POU6F2: variants seen among roughly 807,000 people sequenced by gnomAD.
POU6F2 encodes POU domain, class 6, transcription factor 2.
A neutral mutation model predicts 71.3 loss-of-function variants in POU6F2; 31 were observed. The ratio of observed to expected loss-of-function variants is 0.43; its 90% CI spans 0.33 to 0.59. POU6F2 has a LOEUF of 0.59. Among genes scored for constraint, POU6F2 ranks in the 20% least tolerant of loss-of-function variants. The pLI is 0.04. For missense variants in POU6F2, 783 were observed against 856.8 expected (o/e 0.91, Z 1.07); for synonymous variants, 347 against 355.7 (o/e 0.98, Z 0.27).
At chr7:39,172,096 A>G (rs923886415) in intron 2 of POU6F2, among the ~76,000 whole-genome samples, 1 of 152,204 alleles carries the variant, frequency 6.6e-6, no homozygotes, top group Non-Finnish European at 1.5e-5. Flanking sequence ...TTTTAAAATC[A>G]TCTCAAACCT....
At chr7:39,237,530 TG>T (rs1310216004) in intron 4 of POU6F2, among the ~76,000 whole-genome samples, 1 of 152,186 alleles carries the variant, frequency 6.6e-6, no homozygotes, top group Admixed American at 6.5e-5. Context: ...CCTTTCTTTA[TG>T]GTCCAGGAAG....
intron 2 of POU6F2, among the ~76,000 whole-genome samples, chr7:39,181,422 G>A (rs112189522): frequency 4.6e-5 from 7 of 152,248 alleles, no homozygotes; most frequent in African/African-American, 1.7e-4. Context: ...GAGACCATAT[G>A]TGGAGCCTAG....
intron 5 of POU6F2, among the ~76,000 whole-genome samples, chr7:39,353,742 A>G (rs531558336): frequency 3.3e-5 from 5 of 151,870 alleles, no homozygotes; most frequent in Admixed American, 6.6e-5. Context: ...GCCCTCCCCA[A>G]AGGTGATGGA....
rs1388495487 is a variant in POU6F2 at position 39,187,586 on chromosome 7, G to A, written c.278-16649G>A. 2.0e-5 allele frequency among the ~76,000 whole-genome samples: 3 copies of A among 152,222 alleles called. No homozygotes were observed. In the East Asian group the frequency reaches 5.8e-4, roughly 29 times the overall value. On this transcript the variant is annotated intron_variant, in intron 2 of 9. Transcript: ENST00000518318. ...CGGGGGACAGCTACCAGCAACAGTA[G>A]CATGCAGCATTTTGGATTTGAGAGC...
chr7:39,167,943 C>T (rs1298943814), intron 2 of POU6F2, among the ~76,000 whole-genome samples: 1 of 151,942 alleles, frequency 6.6e-6, no homozygotes, highest in Admixed American at 6.5e-5. Context: ...TTTTCTAATT[C>T]AGGCCTGTAA....
In POU6F2 at chr7:39,460,747, T is replaced by C. The variant is rs912506845; in HGVS notation, c.1658+32T>C. On this transcript the variant is annotated intron_variant, in intron 9 of 9. Coordinates refer to ENST00000518318, the MANE Select transcript of POU6F2 (RefSeq NM_001370959.1). This position sits in a 1 kb window ranked among gnomAD's most constrained non-coding sequence, Gnocchi z 4.4. ...CGCGCCTGCATGCTGTCACCTCTTC[T>C]AGCCGCCCTGGGCCTCATTTGTCCT... 2.1e-5 allele frequency: 32 copies of C among 1,539,706 alleles called. No homozygotes were observed. The African/African-American group carries it at 4.1e-4, about 20-fold the overall frequency.
At chr7:39,116,220 A>G (rs768931280) in intron 2 of POU6F2, among the ~76,000 whole-genome samples, 1 of 152,168 alleles carries the variant, frequency 6.6e-6, no homozygotes, top group Non-Finnish European at 1.5e-5. Context: ...CTCTGTCTCT[A>G]TAAAAAATTT....
chr7:39,279,685 A>G lies in POU6F2; in HGVS notation c.599-59957A>G, dbSNP rs547566309. Among the ~76,000 whole-genome samples the G allele has an allele frequency of 2.5e-3, 381 of 152,182 alleles. 1 individual carries two copies. Among genetic ancestry groups the G allele is most frequent in the Non-Finnish European group, 4.0e-3 (275 of 67,992 alleles). ...CTGGCTTGTACATTGTATCACTCCA[A>G]TACTCCATCTTCCCTCTGTGTGTGT... On this transcript the variant is annotated intron_variant, in intron 4 of 9. Transcript: ENST00000518318.
chr7:39,187,672 G>A (rs1793571912), intron 2 of POU6F2, among the ~76,000 whole-genome samples: 1 of 152,230 alleles, frequency 6.6e-6, no homozygotes, highest in African/African-American at 2.4e-5. Flanking sequence ...TGGGCTTTTT[G>A]AGCATATGTG....
intron 4 of POU6F2, among the ~76,000 whole-genome samples, chr7:39,304,247 G>A (rs1453408880): frequency 1.3e-5 from 2 of 152,162 alleles, no homozygotes; most frequent in South Asian, 2.1e-4. Flanking sequence ...AATCAGTAAC[G>A]AAGGGGCTGT....
At chr7:39,437,977 G>A (rs572210758) in intron 7 of POU6F2, among the ~76,000 whole-genome samples, 1 of 152,022 alleles carries the variant, frequency 6.6e-6, no homozygotes, top group East Asian at 1.9e-4. Flanking sequence ...TTAAGTTCTA[G>A]GGTACATGTG....
chr7:39,194,946 C>G (rs1043219599), intron 2 of POU6F2, among the ~76,000 whole-genome samples: 3 of 152,102 alleles, frequency 2.0e-5, no homozygotes. Context: ...AGGAGAAACT[C>G]CGGACACATC....
At chr7:38,984,934 A>G (rs1385807135) in intron 1 of POU6F2, 1 of 152,138 alleles carries the variant, frequency 6.6e-6, no homozygotes, top group East Asian at 1.9e-4. Context: ...GTTCAAAAGA[A>G]CAAAGCACAA....
chr7:39,284,060 C>T (rs922660672), intron 4 of POU6F2, among the ~76,000 whole-genome samples: 1 of 152,160 alleles, frequency 6.6e-6, no homozygotes, highest in Non-Finnish European at 1.5e-5. Flanking sequence ...CACCGTGAAC[C>T]AAGCCTCTCC....
At chr7:39,454,670 A>G in intron 8 of POU6F2, among the ~76,000 whole-genome samples, 1 of 1,422 alleles carries the variant, frequency 7.0e-4, no homozygotes, top group Non-Finnish European at 1.1e-3. Context: ...ATATATATAT[A>G]TATATATATA....
At chr7:39,381,524 G>T (rs1228551848) in intron 5 of POU6F2, among the ~76,000 whole-genome samples, 1 of 152,154 alleles carries the variant, frequency 6.6e-6, no homozygotes, top group Non-Finnish European at 1.5e-5. Flanking sequence ...TTGCAGGCAT[G>T]AGCCTCCATG....
At chr7:39,366,132 T>C (rs1786495254) in intron 5 of POU6F2, among the ~76,000 whole-genome samples, 1 of 152,170 alleles carries the variant, frequency 6.6e-6, no homozygotes, top group African/African-American at 2.4e-5. Flanking sequence ...CTCCAGTTGT[T>C]TCACCATTGG....
intron 5 of POU6F2, among the ~76,000 whole-genome samples, chr7:39,387,031 A>G (rs962983388): frequency 1.3e-5 from 2 of 152,236 alleles, no homozygotes; most frequent in Admixed American, 1.3e-4. Flanking sequence ...CTAGCTGCCC[A>G]GGGCCATTGC....
At chr7:39,158,580 G>A (rs929638364) in intron 2 of POU6F2, among the ~76,000 whole-genome samples, 6 of 152,152 alleles carry the variant, frequency 3.9e-5, no homozygotes, top group African/African-American at 1.4e-4. Context: ...CTGGGAAACA[G>A]CATGTGGAAA....
Sources: gnomAD v4.1 joint callset for allele counts (sites outside exome capture counted in the v4.1 genomes callset) on GRCh38, gnomAD v4.1.1 for gene constraint, Gnocchi (gnomAD v3.1) non-coding constraint, MANE v1.5 for transcripts, NCBI Gene and HGNC (gene_info 2026-07-23, HGNC 2026-07-21) for gene names.